FBXL7: variants seen among roughly 807,000 people sequenced by gnomAD.
The protein encoded by FBXL7 is F-box/LRR-repeat protein 7.
FBXL7 carries 12 observed loss-of-function variants against 38.3 expected under a neutral mutation model. The ratio of observed to expected loss-of-function variants is 0.31; its 90% CI spans 0.20 to 0.51. The LOEUF (loss-of-function observed/expected upper bound fraction) is 0.51, where lower values mean the gene tolerates loss of function less well. FBXL7 is among the 20% of genes least tolerant of loss of function. The pLI is 0.98. For missense variants in FBXL7, 567 were observed against 676.4 expected, an observed-to-expected ratio of 0.84 and a Z score of 1.79; for synonymous variants, 297 against 300.9, an observed-to-expected ratio of 0.99 and a Z score of 0.13.
chr5:15,732,416 C>T (rs1735614423), intron 2 of FBXL7, among the ~76,000 whole-genome samples: 2 of 152,170 alleles, frequency 1.3e-5, no homozygotes, highest in African/African-American at 4.8e-5. Flanking sequence ...AACATAACAG[C>T]TATTTTATTA....
chr5:15,569,584 C>T (rs1178958921), intron 1 of FBXL7, among the ~76,000 whole-genome samples: 7 of 151,218 alleles, frequency 4.6e-5, no homozygotes, highest in African/African-American at 1.5e-4. Context: ...CCCTTTATTT[C>T]CTTCTCCTGC....
intron 2 of FBXL7, among the ~76,000 whole-genome samples, chr5:15,803,927 A>G (rs1561132754): frequency 6.6e-6 from 1 of 152,048 alleles, no homozygotes; most frequent in Non-Finnish European, 1.5e-5. Context: ...CCATCAGAAC[A>G]CTCCATACAG....
intron 2 of FBXL7, among the ~76,000 whole-genome samples, chr5:15,915,219 G>A (rs965465592): frequency 7.9e-5 from 12 of 152,220 alleles, no homozygotes; most frequent in Admixed American, 2.6e-4. Flanking sequence ...ATATAAAAGT[G>A]TGGAAAGAGC....
At chr5:15,775,864 C>A (rs570593672) in intron 2 of FBXL7, among the ~76,000 whole-genome samples, 1 of 152,248 alleles carries the variant, frequency 6.6e-6, no homozygotes, top group Non-Finnish European at 1.5e-5. Context: ...CATTGTGAAT[C>A]TTTGCTTTGA....
intron 2 of FBXL7, among the ~76,000 whole-genome samples, chr5:15,918,213 T>A (rs1164430537): frequency 6.6e-6 from 1 of 152,138 alleles, no homozygotes; most frequent in Non-Finnish European, 1.5e-5. Flanking sequence ...CACTCCAGCC[T>A]GGGTGACAGG....
At chr5:15,896,475 G>A (rs768115516) in intron 2 of FBXL7, among the ~76,000 whole-genome samples, 5 of 152,214 alleles carry the variant, frequency 3.3e-5, no homozygotes, top group Non-Finnish European at 5.9e-5. Context: ...GAATCTCACC[G>A]GGTGTGAAGA....
intron 2 of FBXL7, among the ~76,000 whole-genome samples, chr5:15,816,165 T>G (rs1445130738): frequency 6.6e-6 from 1 of 152,078 alleles, no homozygotes; most frequent in Non-Finnish European, 1.5e-5. Flanking sequence ...ACCTATATGT[T>G]TATCACAGCA....
At chr5:15,876,184 G>A (rs1740196563) in intron 2 of FBXL7, among the ~76,000 whole-genome samples, 1 of 152,062 alleles carries the variant, frequency 6.6e-6, no homozygotes, top group Non-Finnish European at 1.5e-5. Flanking sequence ...TCACTCATAA[G>A]TGGGAGTTGA....
Position 15,573,530 on chromosome 5 carries a change from C to T in FBXL7, c.38-42453C>T, listed in dbSNP as rs545469005. 5.9e-5 allele frequency among the ~76,000 whole-genome samples: 9 copies of T among 152,052 alleles called. No homozygotes were observed. The South Asian group carries it at 1.9e-3, about 32-fold the overall frequency. ...TCTTTTTAATGATGGTGATGTTGGC[C>T]GAAGAAGGGATTTTTATGGGAGGCA... On this transcript the variant is annotated intron_variant, in intron 1 of 3. Coordinates refer to ENST00000504595, the MANE Select transcript of FBXL7 (RefSeq NM_012304.5).
intron 2 of FBXL7, among the ~76,000 whole-genome samples, chr5:15,698,715 T>C (rs902938086): frequency 1.3e-5 from 2 of 152,238 alleles, no homozygotes; most frequent in Admixed American, 6.5e-5. Flanking sequence ...ATTAGTATTA[T>C]TGAGTCCAGT....
At chr5:15,731,140 G>A (rs77132905) in intron 2 of FBXL7, among the ~76,000 whole-genome samples, 135 of 152,276 alleles carry the variant, frequency 8.9e-4, no homozygotes, top group South Asian at 2.3e-3. Flanking sequence ...TGGAAAAATA[G>A]CATTCAAGTG....
chr5:15,586,391 A>G (rs1252926260), intron 1 of FBXL7, among the ~76,000 whole-genome samples: 2 of 148,598 alleles, frequency 1.3e-5, no homozygotes, highest in Non-Finnish European at 3.0e-5. Context: ...CTCTTTCTCA[A>G]TATCTCTTGC....
chr5:15,660,390 C>G (rs1038472576), intron 2 of FBXL7, among the ~76,000 whole-genome samples: 1 of 152,216 alleles, frequency 6.6e-6, no homozygotes, highest in African/African-American at 2.4e-5. Context: ...GAGCTTCGCT[C>G]TTGTTGCCCA....
intron 1 of FBXL7, 22 bp downstream of exon 1, chr5:15,500,735 A>G: frequency 6.2e-7 from 1 of 1,603,284 alleles, no homozygotes; most frequent in Non-Finnish European, 8.5e-7. Context: ...GCCCGTCCTC[A>G]GACTCCCGGA....
At chr5:15,891,879 G>A (rs1054850122) in intron 2 of FBXL7, among the ~76,000 whole-genome samples, 1 of 152,208 alleles carries the variant, frequency 6.6e-6, no homozygotes, top group Non-Finnish European at 1.5e-5. Context: ...GGCGGTGTTG[G>A]AACTTAGCAA....
At chr5:15,592,009 G>A (rs1413274488) in intron 1 of FBXL7, among the ~76,000 whole-genome samples, 1 of 152,028 alleles carries the variant, frequency 6.6e-6, no homozygotes, top group African/African-American at 2.4e-5. Context: ...CGTGCCCGAG[G>A]TTGGCCACAT....
chr5:15,927,499 C>T (rs1274054326), intron 2 of FBXL7, among the ~76,000 whole-genome samples: 5 of 152,064 alleles, frequency 3.3e-5, no homozygotes, highest in Admixed American at 1.3e-4. Context: ...TGGCCGGGCA[C>T]GCTGGCTCAC....
At chr5:15,717,042 AT>A (rs1374914286) in intron 2 of FBXL7, among the ~76,000 whole-genome samples, 1 of 152,192 alleles carries the variant, frequency 6.6e-6, no homozygotes, top group Non-Finnish European at 1.5e-5. Context: ...ATTCCTGCAT[AT>A]TTTTAGCTTT....
At chr5:15,538,188 G>T (rs993928592) in intron 1 of FBXL7, among the ~76,000 whole-genome samples, 3 of 152,170 alleles carry the variant, frequency 2.0e-5, no homozygotes, top group African/African-American at 7.2e-5. Flanking sequence ...ATTACACTTT[G>T]TGAGTCCTGC....
Sources: allele counts gnomAD v4.1 joint callset (sites outside exome capture counted in the v4.1 genomes callset), GRCh38; gene constraint gnomAD v4.1.1; transcripts MANE v1.5; gene names NCBI Gene and HGNC (gene_info 2026-07-23, HGNC 2026-07-21).